PDE7B: variants seen among roughly 807,000 people sequenced by gnomAD.
PDE7B encodes the protein 3',5'-cyclic-AMP phosphodiesterase 7B.
In PDE7B, 29 loss-of-function variants were observed where a neutral mutation model predicts 56.2. The observed-to-expected ratio is 0.52, with a 90% CI of 0.38 to 0.70. The LOEUF (loss-of-function observed/expected upper bound fraction) is 0.70, where lower values mean the gene tolerates loss of function less well. Among genes scored for constraint, PDE7B ranks in the 30% least tolerant of loss-of-function variants. The probability of loss-of-function intolerance (pLI) is 0.00; values close to 1 mark genes in which losing one functional copy is unlikely to be tolerated. For missense variants in PDE7B, 490 were observed against 565.0 expected, an observed-to-expected ratio of 0.87 and a Z score of 1.35; for synonymous variants, 197 against 196.9, an observed-to-expected ratio of 1.00 and a Z score of 0.00.
intron 2 of PDE7B, among the ~76,000 whole-genome samples, chr6:135,965,526 C>T (rs1774982578): frequency 6.6e-6 from 1 of 152,180 alleles, no homozygotes; most frequent in South Asian, 2.1e-4. Flanking sequence ...GCCCACAGTT[C>T]CACATGGCTG....
At chr6:135,922,290 C>T (rs1001135507) in intron 1 of PDE7B, among the ~76,000 whole-genome samples, 1 of 152,064 alleles carries the variant, frequency 6.6e-6, no homozygotes, top group African/African-American at 2.4e-5. Context: ...GCATGGGAAC[C>T]AGGGAATCAT....
chr6:135,911,307 TG>T (rs1031658198), intron 1 of PDE7B, among the ~76,000 whole-genome samples: 1 of 152,198 alleles, frequency 6.6e-6, no homozygotes, highest in Non-Finnish European at 1.5e-5. Flanking sequence ...GCCCTTATTT[TG>T]GATGGTTGGT....
intron 8 of PDE7B, among the ~76,000 whole-genome samples, chr6:136,164,519 C>T (rs933176966): frequency 5.9e-5 from 9 of 152,238 alleles, no homozygotes; most frequent in East Asian, 1.9e-4. Flanking sequence ...AACAGACACA[C>T]GGCCAATAAA....
chr6:136,092,760 A>AAAAAC (rs371445827), intron 2 of PDE7B, among the ~76,000 whole-genome samples: 4,204 of 152,220 alleles, frequency 0.028, 189 homozygotes, highest in African/African-American at 0.093. Flanking sequence ...AGACTGTCTC[A>AAAAAC]AAAACAAAAC....
rs537132495 is a variant in PDE7B, at chr6:135,944,584, G to T, written c.22-2880G>T. On this transcript the variant is annotated intron_variant, in intron 1 of 12. Transcript: ENST00000308191. ...GAGGACCACCTCATTGTCATTGGAA[G>T]GGCCACCACACCTGTTCTTGCTATT... Among the ~76,000 whole-genome samples the T allele has an allele frequency of 3.0e-3, 453 of 152,284 alleles. 6 individuals carry two copies. The highest frequency in any genetic ancestry group is 3.5e-3 in the Non-Finnish European group (236 of 68,024).
chr6:135,862,796 TA>T (rs1260109472), intron 1 of PDE7B, among the ~76,000 whole-genome samples: 6 of 151,932 alleles, frequency 3.9e-5, no homozygotes, highest in Admixed American at 3.9e-4. Flanking sequence ...TCTTTTTGAA[TA>T]TATACATTTA....
chr6:136,046,735 C>T (rs987554834), intron 2 of PDE7B, among the ~76,000 whole-genome samples: 2 of 152,204 alleles, frequency 1.3e-5, no homozygotes, highest in Middle Eastern at 3.4e-3. Flanking sequence ...CCTCAATGTG[C>T]CCATATCTAT....
At chr6:136,087,930 C>CA (rs1777319953) in intron 2 of PDE7B, among the ~76,000 whole-genome samples, 1 of 151,916 alleles carries the variant, frequency 6.6e-6, no homozygotes, top group Admixed American at 6.6e-5. Context: ...AATAAATAAG[C>CA]AAAAAAATAT....
chr6:136,164,629 A>G (rs930166997), intron 8 of PDE7B, among the ~76,000 whole-genome samples: 3 of 152,230 alleles, frequency 2.0e-5, no homozygotes, highest in African/African-American at 7.2e-5. Context: ...CTCAAGCTGG[A>G]AAAGTATTTA....
intron 1 of PDE7B, among the ~76,000 whole-genome samples, chr6:135,886,854 A>G (rs1013624362): frequency 6.6e-6 from 1 of 152,050 alleles, no homozygotes; most frequent in Non-Finnish European, 1.5e-5. Context: ...TTTTTGTATA[A>G]TGACTTCTTT....
intron 1 of PDE7B, among the ~76,000 whole-genome samples, chr6:135,935,895 G>A (rs1024794061): frequency 5.3e-5 from 8 of 152,180 alleles, no homozygotes; most frequent in African/African-American, 1.9e-4. Flanking sequence ...TGTCCATGTG[G>A]AAATGGTCAA....
intron 2 of PDE7B, among the ~76,000 whole-genome samples, chr6:136,089,226 TAAC>T (rs900404426): frequency 2.0e-4 from 30 of 152,174 alleles, no homozygotes; most frequent in African/African-American, 6.3e-4. Flanking sequence ...ATAACAACAC[TAAC>T]CTCTGGATAA....
intron 2 of PDE7B, chr6:136,064,418 G>A (rs1337876919): frequency 6.6e-6 from 1 of 152,132 alleles, no homozygotes; most frequent in Non-Finnish European, 1.5e-5. Context: ...TGAATGCCAG[G>A]CTAGGAACAA....
At chr6:136,163,928 C>G (rs1778751422) in intron 8 of PDE7B, among the ~76,000 whole-genome samples, 1 of 152,224 alleles carries the variant, frequency 6.6e-6, no homozygotes, top group Non-Finnish European at 1.5e-5. Context: ...TACAACAAGT[C>G]TCTAGGAAGT....
intron 3 of PDE7B, among the ~76,000 whole-genome samples, chr6:136,138,464 G>C (rs934242275): frequency 6.6e-6 from 1 of 151,752 alleles, no homozygotes; most frequent in Non-Finnish European, 1.5e-5. Flanking sequence ...AACACAAATT[G>C]CTCCCTAAAT....
chr6:135,975,773 A>G (rs1775175705), intron 2 of PDE7B, among the ~76,000 whole-genome samples: 2 of 151,538 alleles, frequency 1.3e-5, no homozygotes, highest in Admixed American at 6.6e-5. Context: ...TAAAAATAGA[A>G]GTGATATACT....
At chr6:135,854,630 A>G (rs1166689480) in intron 1 of PDE7B, among the ~76,000 whole-genome samples, 1 of 152,164 alleles carries the variant, frequency 6.6e-6, no homozygotes, top group African/African-American at 2.4e-5. Flanking sequence ...CGGCAGCCCC[A>G]TTTCCCCTAA....
chr6:136,095,235 A>C (rs1351815174), intron 2 of PDE7B, among the ~76,000 whole-genome samples: 1 of 152,172 alleles, frequency 6.6e-6, no homozygotes. Context: ...CTTCCCTTTA[A>C]ACACACTTTA....
At chr6:135,903,258 A>G (rs543597327) in intron 1 of PDE7B, among the ~76,000 whole-genome samples, 1 of 152,304 alleles carries the variant, frequency 6.6e-6, no homozygotes, top group South Asian at 2.1e-4. Context: ...CTGTATAAGC[A>G]AAGGTTGTAT....
Sources: allele counts gnomAD v4.1 joint callset (sites outside exome capture counted in the v4.1 genomes callset), GRCh38; gene constraint gnomAD v4.1.1; transcripts MANE v1.5; gene names NCBI Gene and HGNC (gene_info 2026-07-23, HGNC 2026-07-21).